The following LRRC25 variants were observed in gnomAD, a reference collection of about 807,000 sequenced individuals.
LRRC25 encodes the protein leucine-rich repeat-containing protein 25.
In LRRC25, 5 loss-of-function variants were observed where a neutral mutation model predicts 18.8. That is an observed-to-expected ratio of 0.27 (90% CI 0.14 to 0.56). The LOEUF (loss-of-function observed/expected upper bound fraction) is 0.56. Ranked by LOEUF, LRRC25 falls within the 20% of genes least tolerant of loss-of-function variation. The probability of loss-of-function intolerance (pLI) is 0.93; values close to 1 mark genes in which losing one functional copy is unlikely to be tolerated. For missense variants in LRRC25, 341 were observed against 389.8 expected, an observed-to-expected ratio of 0.87 and a Z score of 1.05; for synonymous variants, 161 against 176.8, an observed-to-expected ratio of 0.91 and a Z score of 0.71.
rs1237737315 is a variant in LRRC25, at chr19:18,396,727, G to C, written c.237C>G (p.Thr79=). 3.1e-6 allele frequency: 5 copies of C among 1,614,050 alleles called. No individual in the cohort carries two copies. The South Asian group carries it at 4.4e-5, about 14-fold the overall frequency. ...SGNGLRELPV[T]FFAHLQKLEV... ...CAAGCTTCTGCAGGTGGGCAAAGAA[G>C]GTCACTGGAAGCTCTCGCAGGCCGT... The change falls in exon 1 of 2, where the codon ACC becomes ACG. Residue 79 remains threonine (T), a synonymous_variant. Transcript: ENST00000339007.
chr19:18,391,695 A>G lies in LRRC25; in HGVS notation c.*292T>C. On this transcript the variant is annotated 3_prime_UTR_variant, in exon 2 of 2. Coordinates refer to ENST00000339007, the MANE Select transcript of LRRC25 (RefSeq NM_145256.3). ...CCAGCAGCCTCATCAGCCTCGAAGC[A>G]TTTATTGAGCACTGCCTGTACATCC... is the stretch of plus-strand genomic sequence containing the variant. 1 of 290,132 alleles carries G rather than the reference A, an allele frequency of 3.4e-6. No homozygotes were observed. The allele number at this position is 290,132 out of a possible 1,614,324, so 18.0% of individuals were successfully genotyped here.
At chr19:18,395,083 A>C (rs749545541) in intron 1 of LRRC25, among the ~76,000 whole-genome samples, 16 of 152,022 alleles carry the variant, frequency 1.1e-4, no homozygotes, top group Non-Finnish European at 1.6e-4. Context: ...TCTCAAAAAA[A>C]AATGTCGGCT....
Position 18,397,010 on chromosome 19 carries a change from C to G in LRRC25, c.-47G>C. 1 of 1,545,178 alleles carries G rather than the reference C, an allele frequency of 6.5e-7. No homozygotes were observed. The highest frequency in any genetic ancestry group is 8.7e-7 in the Non-Finnish European group (1 of 1,143,324). ...ACCGGAATCCTAGCCCTGACCTCAG[C>G]CCTGTGGTCGCCCTCGCCTCCACCG... On this transcript the variant is annotated 5_prime_UTR_variant, in exon 1 of 2. Transcript: ENST00000339007.
chr19:18,394,169 T>C (rs1223080872), intron 1 of LRRC25, among the ~76,000 whole-genome samples: 1 of 152,058 alleles, frequency 6.6e-6, no homozygotes, highest in Non-Finnish European at 1.5e-5. Context: ...TCATCCCTTC[T>C]CAAAAACCAT....
At chr19:18,392,947 A>G (rs1196025835) in intron 1 of LRRC25, among the ~76,000 whole-genome samples, 1 of 152,162 alleles carries the variant, frequency 6.6e-6, no homozygotes, top group Non-Finnish European at 1.5e-5. Flanking sequence ...CCGTTATCAC[A>G]CCACTGCACT....
At position 18,396,838 on chromosome 19, in the gene LRRC25, G is replaced by A. The variant is rs774189425; in HGVS notation, c.126C>T (p.Cys42=). Residue 42 remains cysteine, a synonymous_variant, in exon 1 of 2, where the codon TGC becomes TGT. Transcript: ENST00000339007. ...TCAGGCTGAGGCCACTGAAATTCAG[G>A]CACGTGGCACTGAACTCCGCGTTCC... ...VDWNAEFSAT[C]LNFSGLSLSL... is the part of the protein sequence containing the mutation. 3.1e-6 allele frequency: 5 copies of A among 1,613,978 alleles called. No individual in the cohort carries two copies. In the East Asian group the frequency reaches 1.1e-4, roughly 36 times the overall value.
chr19:18,396,794 G>T lies in LRRC25; in HGVS notation c.170C>A (p.Ser57Tyr). 1 of 1,614,150 alleles carries T rather than the reference G, an allele frequency of 6.2e-7. No homozygotes were observed. The highest frequency in any genetic ancestry group is 8.5e-7 in the Non-Finnish European group (1 of 1,180,060). The change falls in exon 1 of 2, where the codon TCT (serine) becomes TAT (tyrosine). Residue 57 changes from serine (S) to tyrosine (Y), a missense_variant. By Grantham distance (144) the Ser-to-Tyr change is moderately radical (BLOSUM62 -2). Transcript: ENST00000339007. ...GLSLSLPHNQ[S>Y]LRASNVILLD... is the part of the protein sequence containing the mutation. ...GAGAATCACGTTGCTGGCCCGCAGA[G>T]ACTGGTTGTGAGGCAGGCTCAGGCT...
chr19:18,395,047 C>A (rs949112719), intron 1 of LRRC25, among the ~76,000 whole-genome samples: 4 of 151,726 alleles, frequency 2.6e-5, no homozygotes, highest in Non-Finnish European at 5.9e-5. Flanking sequence ...CCACTGCACT[C>A]CAGCCAGGGC....
intron 1 of LRRC25, among the ~76,000 whole-genome samples, chr19:18,392,538 G>A (rs899457555): frequency 7.9e-5 from 12 of 151,744 alleles, no homozygotes; most frequent in African/African-American, 2.7e-4. Context: ...AGTCCACCCC[G>A]AATATTTACA....
chr19:18,391,539 AAAAC>A lies in LRRC25; in HGVS notation c.*444_*447del, dbSNP rs374032828. 8.8e-3 allele frequency: 1,390 copies of A among 158,772 alleles called. 24 individuals carry two copies. The highest frequency in any genetic ancestry group is 0.031 in the African/African-American group (1,297 of 41,698). The allele number at this position is 158,772 out of a possible 1,614,324, so 9.8% of individuals were successfully genotyped here. A position where few individuals can be genotyped will look rare whatever the true frequency, so the allele number is the denominator to read the frequency against. The stretch of plus-strand genomic sequence containing the variant: ...GGTGACAGAGTGACACTCAGTTTCA[AAAAC>A]AAACAAACAAACAACAACAACAAAA... On this transcript the variant is annotated 3_prime_UTR_variant, in exon 2 of 2. Transcript: ENST00000339007.
chr19:18,395,089 C>T (rs372840675), intron 1 of LRRC25, among the ~76,000 whole-genome samples: 5 of 151,266 alleles, frequency 3.3e-5, no homozygotes, highest in Admixed American at 2.0e-4. Context: ...AAAAAAATGT[C>T]GGCTGGGCGC....
intron 1 of LRRC25, among the ~76,000 whole-genome samples, chr19:18,394,931 T>A (rs8106047): frequency 0.2 from 29,739 of 151,902 alleles, 3,340 homozygotes; most frequent in African/African-American, 0.3. Context: ...ATACAAAAAT[T>A]AGTTGGGTGC....
In LRRC25 at chr19:18,397,035, G is replaced by T; in HGVS notation, c.-72C>A. On this transcript the variant is annotated 5_prime_UTR_variant, in exon 1 of 2. Coordinates refer to ENST00000339007, the MANE Select transcript of LRRC25 (RefSeq NM_145256.3). ...CCCTGTGGTCGCCCTCGCCTCCACCGCCAGTGTTTATTATTATAGCTCAGA... is the reference window on the plus strand; with the variant it reads ...CCCTGTGGTCGCCCTCGCCTCCACCTCCAGTGTTTATTATTATAGCTCAGA... The T allele has an allele frequency of 2.8e-6, 4 of 1,442,740 alleles. No individual in the cohort carries two copies. Among genetic ancestry groups the T allele is most frequent in the Admixed American group, 2.0e-5 (1 of 48,976 alleles). 89.4% of individuals were successfully genotyped at this position (1,442,740 alleles called of 1,614,324 possible). A position where few individuals can be genotyped will look rare whatever the true frequency, so the allele number is the denominator to read the frequency against.
At chr19:18,395,092 C>T (rs1176037742) in intron 1 of LRRC25, among the ~76,000 whole-genome samples, 1 of 152,018 alleles carries the variant, frequency 6.6e-6, no homozygotes, top group African/African-American at 2.4e-5. Context: ...AAAATGTCGG[C>T]TGGGCGCGGT....
Position 18,396,354 on chromosome 19 carries a change from G to A in LRRC25, c.610C>T (p.Pro204Ser). The A allele has an allele frequency of 1.9e-6, 3 of 1,613,826 alleles. No individual in the cohort carries two copies. Among genetic ancestry groups the A allele is most frequent in the South Asian group, 1.1e-5 (1 of 91,084 alleles). ...RVARSRELNK[P>S]WAAQDGPKPG... is the part of the protein sequence containing the mutation. ...TTGGGCCCATCCTGAGCAGCCCAGG[G>A]TTTGTTCAGCTCCCGGCTTCTGGCC... The change falls in exon 1 of 2, where the codon CCC (proline) becomes TCC (serine). Residue 204 changes from proline (P) to serine (S), a missense_variant. Coordinates refer to ENST00000339007, the MANE Select transcript of LRRC25 (RefSeq NM_145256.3).
At chr19:18,395,071 T>C (rs1220779488) in intron 1 of LRRC25, among the ~76,000 whole-genome samples, 1 of 151,106 alleles carries the variant, frequency 6.6e-6, no homozygotes, top group Non-Finnish European at 1.5e-5. Context: ...AGAATGACAC[T>C]GTCTCAAAAA....
Position 18,392,949 on chromosome 19 carries a change from C to T in LRRC25, c.780-824G>A, listed in dbSNP as rs1252339356. 2.0e-5 allele frequency among the ~76,000 whole-genome samples: 3 copies of T among 152,124 alleles called. No individual in the cohort carries two copies. The East Asian group carries it at 5.8e-4, about 29-fold the overall frequency. On this transcript the variant is annotated intron_variant, in intron 1 of 1. Coordinates refer to ENST00000339007, the MANE Select transcript of LRRC25 (RefSeq NM_145256.3). ...AGCCTACAGTGAGCCGTTATCACAC[C>T]ACTGCACTGCAGCCTGGATGACAGA... is the stretch of plus-strand genomic sequence containing the variant.
Position 18,396,663 on chromosome 19 carries a change from C to A in LRRC25, c.301G>T (p.Asp101Tyr). Residue 101 changes from aspartate to tyrosine, a missense_variant, in exon 1 of 2, where the codon GAT becomes TAT. Coordinates refer to ENST00000339007, the MANE Select transcript of LRRC25 (RefSeq NM_145256.3). ...NVLRNPLSRV[D>Y]GALAARCDLD... ...TCACAGCGGGCGGCCAGCGCCCCAT[C>A]CACACGAGACAAGGGGTTGCGTAGC... 1 of 1,614,048 alleles carries A rather than the reference C, an allele frequency of 6.2e-7. No homozygotes were observed. The highest frequency in any genetic ancestry group is 2.2e-5 in the East Asian group (1 of 44,884).
chr19:18,392,029 C>T lies in LRRC25; in HGVS notation c.876G>A (p.Gln292=). The T allele has an allele frequency of 6.2e-7, 1 of 1,614,136 alleles. No individual in the cohort carries two copies. The highest frequency in any genetic ancestry group is 8.5e-7 in the Non-Finnish European group (1 of 1,179,994). ...PVYCNLQSLG[Q]APMDEEEYVI... The stretch of plus-strand genomic sequence containing the variant: ...CGTACTCCTCTTCATCCATTGGGGC[C>T]TGGCCCAGTGACTGCAGGTTACAGT... The change falls in exon 2 of 2, where the codon CAG becomes CAA. Residue 292 remains glutamine, a synonymous_variant. Transcript: ENST00000339007.
Sources: allele counts gnomAD v4.1 joint callset (sites outside exome capture counted in the v4.1 genomes callset), GRCh38; gene constraint gnomAD v4.1.1; transcripts MANE v1.5; gene names NCBI Gene and HGNC (gene_info 2026-07-23, HGNC 2026-07-21).